SPATA6: variants seen among roughly 807,000 people sequenced by gnomAD.
SPATA6 encodes the protein spermatogenesis-associated protein 6.
SPATA6 carries 56 observed loss-of-function variants against 65.3 expected under a neutral mutation model. That is an observed-to-expected ratio of 0.86 (90% CI 0.69 to 1.07). The LOEUF (loss-of-function observed/expected upper bound fraction) is 1.07. SPATA6 is among the 50% of genes least tolerant of loss of function. The pLI is 0.00. For missense variants in SPATA6, 590 were observed against 594.8 expected (o/e 0.99, Z 0.08); for synonymous variants, 199 against 213.2 (o/e 0.93, Z 0.58).
At chr1:48,410,197 T>C (rs1570481222) in intron 5 of SPATA6, among the ~76,000 whole-genome samples, 1 of 152,294 alleles carries the variant, frequency 6.6e-6, no homozygotes, top group East Asian at 1.9e-4. Flanking sequence ...ATCATCTCTC[T>C]CAAGTTCAAA....
At chr1:48,461,461 T>C (rs1378571584) in intron 1 of SPATA6, among the ~76,000 whole-genome samples, 1 of 152,124 alleles carries the variant, frequency 6.6e-6, no homozygotes, top group Admixed American at 6.5e-5. Context: ...CTAGGGTTTT[T>C]ATGGTTTTAG....
chr1:48,325,895 G>T, intron 11 of SPATA6: 1 of 339,528 alleles, frequency 2.9e-6, no homozygotes, highest in South Asian at 3.7e-5. Context: ...AGATGCTTGT[G>T]GTAGGCAAGT....
At chr1:48,378,075 C>T (rs1419033061) in intron 9 of SPATA6, among the ~76,000 whole-genome samples, 4 of 152,112 alleles carry the variant, frequency 2.6e-5, no homozygotes, top group Admixed American at 2.0e-4. Flanking sequence ...TCGAAAGTAT[C>T]CTCAATTTAA....
intron 9 of SPATA6, among the ~76,000 whole-genome samples, chr1:48,360,309 A>C (rs1646775237): frequency 1.3e-5 from 2 of 152,184 alleles, no homozygotes; most frequent in Admixed American, 1.3e-4. Context: ...CAAGATAAAG[A>C]ACTAGAATAG....
the SPATA6 span, among the ~76,000 whole-genome samples, chr1:48,282,586 G>T: frequency 1.6e-4 from 24 of 152,158 alleles, no homozygotes; most frequent in Non-Finnish European, 2.9e-4. Context: ...ATGAAAAAAT[G>T]CTCACCATCA....
At chr1:48,437,044 G>A in intron 3 of SPATA6, 4 of 1,604,318 alleles carry the variant, frequency 2.5e-6, no homozygotes, top group Non-Finnish European at 3.4e-6. Context: ...AAGGCCATCA[G>A]CAAGCAGTTT....
chr1:48,431,758 T>C, intron 3 of SPATA6, among the ~76,000 whole-genome samples: 1 of 152,168 alleles, frequency 6.6e-6, no homozygotes, highest in East Asian at 1.9e-4. Context: ...CCAAAACTTA[T>C]GGGATACAGG....
rs1261376298 is a variant in SPATA6, at chr1:48,298,750, G to A, written c.1430C>T (p.Ala477Val). The A allele has an allele frequency of 1.2e-6, 2 of 1,613,774 alleles. No homozygotes were observed. The highest frequency in any genetic ancestry group is 1.7e-6 in the Non-Finnish European group (2 of 1,179,828). Residue 477 changes from alanine to valine, a missense_variant, in exon 13 of 13, where the codon GCC (alanine) becomes GTC (valine). By Grantham distance (64) the Ala-to-Val change is moderately conservative. Coordinates refer to ENST00000371847, the MANE Select transcript of SPATA6 (RefSeq NM_019073.4). ...DKMYRNLYKKACSSASHTQES... is the reference protein window; with the variant it reads ...DKMYRNLYKKVCSSASHTQES... ...CTGTGTATGTGAAGCAGAACTACAG[G>A]CCTTTTTGTATAAGTTCCTGTACAT...
chr1:48,268,328 GTGTGTT>G, the SPATA6 span, among the ~76,000 whole-genome samples: 2 of 147,130 alleles, frequency 1.4e-5, no homozygotes, highest in African/African-American at 2.5e-5. Flanking sequence ...GTGTGTGTGT[GTGTGTT>G]TGTGTGTGTG....
Position 48,401,891 on chromosome 1 carries a change from A to G in SPATA6, c.486+1911T>C, listed in dbSNP as rs1044373058. Among the ~76,000 whole-genome samples the G allele has an allele frequency of 4.6e-5, 7 of 152,286 alleles. No homozygotes were observed. In the South Asian group the frequency reaches 1.0e-3, roughly 23 times the overall value. On this transcript the variant is annotated intron_variant, in intron 6 of 12. Transcript: ENST00000371847. ...TGTGATACAGCAGATTAACAAATTT[A>G]TATTCATAAAGTTACTACTGATATT...
At chr1:48,413,172 T>C (rs1232936212) in intron 3 of SPATA6, 21 bp from the exon 4 acceptor site, 4 of 1,392,384 alleles carry the variant, frequency 2.9e-6, no homozygotes, top group Non-Finnish European at 3.8e-6. Flanking sequence ...AAAGAAAAAT[T>C]TCCTTAAATA....
At chr1:48,278,925 C>A in the SPATA6 span, among the ~76,000 whole-genome samples, 2 of 152,232 alleles carry the variant, frequency 1.3e-5, no homozygotes, top group East Asian at 1.9e-4. Context: ...TAAGGGCAGC[C>A]AGAGAGAAAG....
At chr1:48,330,013 C>T (rs1031221518) in intron 11 of SPATA6, among the ~76,000 whole-genome samples, 1 of 152,224 alleles carries the variant, frequency 6.6e-6, no homozygotes, top group African/African-American at 2.4e-5. Flanking sequence ...CAGACCAGCA[C>T]CAGTACCACA....
chr1:48,312,903 C>G (rs951211043), intron 11 of SPATA6, among the ~76,000 whole-genome samples: 10 of 152,256 alleles, frequency 6.6e-5, no homozygotes, highest in African/African-American at 2.4e-4. Context: ...GACGAATGCA[C>G]AAGCCTCAGT....
At chr1:48,368,857 G>A (rs1647128353) in intron 9 of SPATA6, among the ~76,000 whole-genome samples, 1 of 152,218 alleles carries the variant, frequency 6.6e-6, no homozygotes, top group Admixed American at 6.5e-5. Flanking sequence ...TTCCTTTGGA[G>A]AAGGAGAGGC....
intron 11 of SPATA6, among the ~76,000 whole-genome samples, chr1:48,313,188 A>T (rs1369451431): frequency 1.3e-5 from 2 of 152,200 alleles, no homozygotes; most frequent in Non-Finnish European, 2.9e-5. Context: ...CAGGAAATAC[A>T]GAGAATGCCA....
At position 48,451,602 on chromosome 1, in the gene SPATA6, T is replaced by C. The variant is rs746681586; in HGVS notation, c.190-2A>G. On this transcript the variant is annotated splice_acceptor_variant, in intron 2 of 12. Transcript: ENST00000371847. LOFTEE classifies it high-confidence loss of function. ...AGGATCTACTGCGTCCGGGAACACC[T>C]ATAGTGAGACGATACAGGGAGAGGC... The C allele has an allele frequency of 1.9e-6, 3 of 1,610,550 alleles. No homozygotes were observed. The highest frequency in any genetic ancestry group is 1.7e-6 in the Non-Finnish European group (2 of 1,178,496).
At chr1:48,400,841 C>G (rs543388266) in intron 6 of SPATA6, 2 of 1,266,600 alleles carry the variant, frequency 1.6e-6, no homozygotes, top group South Asian at 2.8e-5. Context: ...CCTTCTCCAC[C>G]TTGTTCAATG....
At chr1:48,438,148 CTT>C (rs1205631919) in intron 3 of SPATA6, among the ~76,000 whole-genome samples, 18 of 152,108 alleles carry the variant, frequency 1.2e-4, no homozygotes, top group Admixed American at 1.2e-3. Flanking sequence ...GCTGCTCACT[CTT>C]TGGGTCCATG....
Sources: gnomAD v4.1 joint callset for allele counts (sites outside exome capture counted in the v4.1 genomes callset) on GRCh38, gnomAD v4.1.1 for gene constraint, MANE v1.5 for transcripts, NCBI Gene and HGNC (gene_info 2026-07-23, HGNC 2026-07-21) for gene names.